DTNB: variants seen among roughly 807,000 people sequenced by gnomAD.
DTNB encodes DTN-B.
Under a neutral mutation model 90.7 loss-of-function variants are expected in DTNB, and 63 were observed. That is an observed-to-expected ratio of 0.69 (90% CI 0.57 to 0.86). The LOEUF (loss-of-function observed/expected upper bound fraction) is 0.86. Ranked by LOEUF, DTNB falls within the 40% of genes least tolerant of loss-of-function variation. The probability of loss-of-function intolerance (pLI) is 0.00; values close to 1 mark genes in which losing one functional copy is unlikely to be tolerated. For missense variants in DTNB, 744 were observed against 807.1 expected, an observed-to-expected ratio of 0.92 and a Z score of 0.95; for synonymous variants, 277 against 286.7, an observed-to-expected ratio of 0.97 and a Z score of 0.34.
At chr2:25,618,409 T>TAAA (rs1209061255) in intron 4 of DTNB, among the ~76,000 whole-genome samples, 1 of 152,228 alleles carries the variant, frequency 6.6e-6, no homozygotes, top group Non-Finnish European at 1.5e-5. Context: ...TGAAACTGAA[T>TAAA]AATTAGCTGC....
At chr2:25,614,832 C>T (rs1006786119) in intron 4 of DTNB, among the ~76,000 whole-genome samples, 1 of 152,184 alleles carries the variant, frequency 6.6e-6, no homozygotes, top group Admixed American at 6.5e-5. Flanking sequence ...CACCAGATGC[C>T]TCGGGAGTTA....
intron 7 of DTNB, among the ~76,000 whole-genome samples, chr2:25,579,288 G>A (rs925742146): frequency 3.3e-5 from 5 of 152,140 alleles, no homozygotes; most frequent in African/African-American, 1.2e-4. Context: ...AGAGATTCTG[G>A]TCCTTTAAGA....
At chr2:25,556,053 CT>C (rs2057291683) in intron 8 of DTNB, among the ~76,000 whole-genome samples, 1 of 151,586 alleles carries the variant, frequency 6.6e-6, no homozygotes, top group Admixed American at 6.6e-5. Context: ...TAAAATAGAT[CT>C]TTCCAGATCT....
At chr2:25,607,588 C>G (rs1255519495) in intron 4 of DTNB, among the ~76,000 whole-genome samples, 1 of 152,016 alleles carries the variant, frequency 6.6e-6, no homozygotes, top group African/African-American at 2.4e-5. Context: ...TAGCAGAGGT[C>G]AAATGGATGA....
chr2:25,385,241 A>G (rs2039144901), intron 18 of DTNB, among the ~76,000 whole-genome samples: 1 of 152,178 alleles, frequency 6.6e-6, no homozygotes, highest in Non-Finnish European at 1.5e-5. Context: ...GATGAGGACT[A>G]CAAGCTATGT....
chr2:25,588,515 G>A (rs570285363), intron 6 of DTNB, among the ~76,000 whole-genome samples: 11 of 152,158 alleles, frequency 7.2e-5, no homozygotes, highest in Non-Finnish European at 7.4e-5. Context: ...ACAGGCGCAC[G>A]CACCACGCGC....
intron 9 of DTNB, among the ~76,000 whole-genome samples, chr2:25,502,737 T>C (rs1213613221): frequency 6.6e-6 from 1 of 151,296 alleles, no homozygotes; most frequent in Non-Finnish European, 1.5e-5. Context: ...ACCCAAAAAA[T>C]TAGCCGGACA....
rs536980440 is a variant in DTNB at position 25,452,825 on chromosome 2, C to T, written c.1170-1190G>A. Among the ~76,000 whole-genome samples, 162 of 150,360 alleles carry T rather than the reference C, an allele frequency of 1.1e-3. 1 individual carries two copies. Among genetic ancestry groups the T allele is most frequent in the Middle Eastern group, 0.01 (3 of 294 alleles). On this transcript the variant is annotated intron_variant, in intron 11 of 20. Transcript: ENST00000406818. ...TTCTGGGATTTTTTTTTAAGTGCTT[C>T]GAGTCTTCGCCTATGACATTTGTCA...
chr2:25,662,800 GGT>G (rs1278037832), intron 1 of DTNB, among the ~76,000 whole-genome samples: 2 of 152,024 alleles, frequency 1.3e-5, no homozygotes, highest in Non-Finnish European at 2.9e-5. Flanking sequence ...TGACCGCAGA[GGT>G]ATACCAACTC....
intron 4 of DTNB, among the ~76,000 whole-genome samples, chr2:25,619,116 T>C (rs957594771): frequency 6.6e-6 from 1 of 152,118 alleles, no homozygotes; most frequent in Non-Finnish European, 1.5e-5. Context: ...CTTTACACTA[T>C]CTAGTAGGAG....
intron 12 of DTNB, 84 bp from the exon 13 acceptor site, chr2:25,434,079 G>T: frequency 1.6e-6 from 2 of 1,271,352 alleles, no homozygotes; most frequent in East Asian, 2.4e-5. Flanking sequence ...TTTTAAAAAA[G>T]ATTTTTGACA....
chr2:25,659,737 A>C (rs1171671275), intron 1 of DTNB, among the ~76,000 whole-genome samples: 1 of 152,124 alleles, frequency 6.6e-6, no homozygotes, highest in African/African-American at 2.4e-5. Context: ...ATAATTACTA[A>C]AGAGATTGAA....
chr2:25,596,037 G>C (rs1185487697), intron 6 of DTNB, 49 bp downstream of exon 6: 1 of 1,476,910 alleles, frequency 6.8e-7, no homozygotes, highest in East Asian at 2.6e-5. Context: ...GAAGGTGAAG[G>C]GAGGGAAGAG....
chr2:25,638,885 T>C (rs1381500290), intron 3 of DTNB, 129 bp downstream of exon 3: 1 of 895,690 alleles, frequency 1.1e-6, no homozygotes, highest in Non-Finnish European at 1.6e-6. Flanking sequence ...TTACAAAGCT[T>C]ACATACTAAT....
In DTNB at chr2:25,455,505, T is replaced by C. The variant is rs1208430589; in HGVS notation, c.1080-11A>G. 2 of 1,600,068 alleles carry C rather than the reference T, an allele frequency of 1.2e-6. No individual in the cohort carries two copies. Among genetic ancestry groups the C allele is most frequent in the South Asian group, 1.1e-5 (1 of 88,330 alleles). On this transcript the variant is annotated splice_polypyrimidine_tract_variant and intron_variant, in intron 10 of 20. Transcript: ENST00000406818. ...TGGCTATACTGTAACCTAGGAACAATGGAGGCAAAGACAGCAAGCGTGACA... is the reference window on the plus strand; with the variant it reads ...TGGCTATACTGTAACCTAGGAACAACGGAGGCAAAGACAGCAAGCGTGACA...
intron 16 of DTNB, among the ~76,000 whole-genome samples, chr2:25,408,355 T>C (rs1425912004): frequency 6.8e-6 from 1 of 146,972 alleles, no homozygotes. Flanking sequence ...CATAATGAAA[T>C]CCCATCTCTA....
intron 8 of DTNB, 23 bp downstream of exon 8, chr2:25,576,815 C>A: frequency 6.3e-7 from 1 of 1,599,024 alleles, no homozygotes; most frequent in Non-Finnish European, 8.5e-7. Flanking sequence ...CTCAGGGACA[C>A]AGATGAAACA....
At chr2:25,558,232 T>G in intron 8 of DTNB, 1 of 985,430 alleles carries the variant, frequency 1.0e-6, no homozygotes, top group Non-Finnish European at 1.2e-6. Flanking sequence ...AGTTCAACCC[T>G]AAATCTGTAC....
At chr2:25,565,612 AT>A (rs5829980) in intron 8 of DTNB, among the ~76,000 whole-genome samples, 48,733 of 148,956 alleles carry the variant, frequency 0.33, 9,544 homozygotes, top group African/African-American at 0.55. Flanking sequence ...AGTTTATTGC[AT>A]TTTTTTTTTA....
Sources: gnomAD v4.1 joint callset for allele counts (sites outside exome capture counted in the v4.1 genomes callset) on GRCh38, gnomAD v4.1.1 for gene constraint, MANE v1.5 for transcripts, NCBI Gene and HGNC (gene_info 2026-07-23, HGNC 2026-07-21) for gene names.